POLR1B: variants seen among roughly 807,000 people sequenced by gnomAD.
POLR1B encodes the protein RNA polymerase I subunit B.
In POLR1B, 30 loss-of-function variants were observed where a neutral mutation model predicts 105.8. The ratio of observed to expected loss-of-function variants is 0.28; its 90% CI spans 0.21 to 0.38. The LOEUF is 0.38. Ranked by LOEUF, POLR1B falls within the 10% of genes least tolerant of loss-of-function variation. The pLI, the probability that POLR1B is intolerant of heterozygous loss-of-function variation, is 1.00. For synonymous variants in POLR1B, 485 were observed against 505.1 expected, an observed-to-expected ratio of 0.96 and a Z score of 0.53; for missense variants, 976 against 1,435.8, an observed-to-expected ratio of 0.68 and a Z score of 5.17.
chr2:112,548,854 C>T (rs1429074843), intron 3 of POLR1B, among the ~76,000 whole-genome samples: 1 of 152,212 alleles, frequency 6.6e-6, no homozygotes, highest in African/African-American at 2.4e-5. Context: ...CCTTGTGATG[C>T]TCCTGTCTCG....
chr2:112,551,054 G>T, intron 5 of POLR1B, 52 bp downstream of exon 5: 1 of 1,544,668 alleles, frequency 6.5e-7, no homozygotes, highest in South Asian at 1.1e-5. Context: ...ACTGGGGGTA[G>T]TATCCTGTGC....
chr2:112,570,700 T>A (rs1361010444), intron 12 of POLR1B, among the ~76,000 whole-genome samples: 2 of 152,138 alleles, frequency 1.3e-5, no homozygotes, highest in African/African-American at 4.8e-5. Flanking sequence ...ATATATGCCA[T>A]CCTGCATTGA....
At chr2:112,573,089 TTTTG>T (rs573250353) in intron 13 of POLR1B, among the ~76,000 whole-genome samples, 156 of 152,306 alleles carry the variant, frequency 1.0e-3, no homozygotes, top group Non-Finnish European at 1.8e-3. Flanking sequence ...TTTTCTTGTT[TTTTG>T]TTTGTTTGTT....
intron 10 of POLR1B, among the ~76,000 whole-genome samples, chr2:112,566,138 C>T (rs895927646): frequency 2.6e-5 from 4 of 152,078 alleles, no homozygotes; most frequent in Non-Finnish European, 5.9e-5. Context: ...CACAGCTCTC[C>T]TGTAATTTAG....
chr2:112,558,729 C>T (rs955521629), intron 8 of POLR1B, among the ~76,000 whole-genome samples: 15 of 152,054 alleles, frequency 9.9e-5, no homozygotes, highest in East Asian at 7.8e-4. Context: ...GGTGATCCTC[C>T]GACGTCAGCC....
chr2:112,568,818 C>A lies in POLR1B; in HGVS notation c.1990C>A (p.His664Asn), dbSNP rs577236573. 2.5e-6 allele frequency: 4 copies of A among 1,614,188 alleles called. No homozygotes were observed. The African/African-American group carries it at 5.3e-5, about 22-fold the overall frequency. ...GVTTHQELFP[H>N]SLLSVIANFI... Reference sequence around the variant, plus strand: ...TACCACACACCAGGAACTCTTTCCACACAGCCTGCTGAGTGTGATTGCCAA... The same window carrying A: ...TACCACACACCAGGAACTCTTTCCAAACAGCCTGCTGAGTGTGATTGCCAA... The change falls in exon 12 of 15, where the codon CAC (histidine) becomes AAC (asparagine). Residue 664 changes from histidine to asparagine, a missense_variant. Physicochemically the swap from His to Asn is moderately conservative, Grantham distance 68. Coordinates refer to ENST00000263331, the MANE Select transcript of POLR1B (RefSeq NM_019014.6).
chr2:112,563,647 C>T (rs1361433979), intron 9 of POLR1B, among the ~76,000 whole-genome samples: 2 of 152,078 alleles, frequency 1.3e-5, no homozygotes, highest in Admixed American at 1.3e-4. Context: ...CCTGTAATTC[C>T]AGCACTTTGG....
upstream of POLR1B, chr2:112,542,154 G>A (rs747975214): frequency 1.3e-6 from 2 of 1,535,760 alleles, no homozygotes; most frequent in South Asian, 2.4e-5. Context: ...CTGAGCCAAT[G>A]AGAGCCAAAG....
Position 112,550,857 on chromosome 2 carries a change from G to A in POLR1B, c.626-9G>A. The A allele has an allele frequency of 6.2e-7, 1 of 1,612,116 alleles. No individual in the cohort carries two copies. On this transcript the variant is annotated splice_polypyrimidine_tract_variant and intron_variant, in intron 4 of 14. Coordinates refer to ENST00000263331, the MANE Select transcript of POLR1B (RefSeq NM_019014.6). ...GAGTTTCTGATTTTTTTGTTGTTTG[G>A]TTCAATAGGAGTTTCAATGCACTGT...
At chr2:112,565,212 G>C (rs375960859) in intron 10 of POLR1B, among the ~76,000 whole-genome samples, 1 of 152,090 alleles carries the variant, frequency 6.6e-6, no homozygotes, top group African/African-American at 2.4e-5. Context: ...CCTATAAGTG[G>C]AATTGTGGCT....
At position 112,576,399 on chromosome 2, in the gene POLR1B, C is replaced by A. The variant is rs970721185; in HGVS notation, c.*670C>A. On this transcript the variant is annotated 3_prime_UTR_variant, in exon 15 of 15. Transcript: ENST00000263331. ...CTTAACTCAAGACCTACCCTCTTAA[C>A]AAATCTTTAAGTGCACGATATAGTA... 1 of 152,254 alleles carries A rather than the reference C, an allele frequency of 6.6e-6. No individual in the cohort carries two copies. The highest frequency in any genetic ancestry group is 1.5e-5 in the Non-Finnish European group (1 of 68,088). The allele number at this position is 152,254 out of a possible 1,614,324, so 9.4% of individuals were successfully genotyped here.
rs893478495 is a variant in POLR1B at position 112,576,812 on chromosome 2, C to G, written c.*1083C>G. On this transcript the variant is annotated 3_prime_UTR_variant, in exon 15 of 15. Transcript: ENST00000263331. ...CTGACCTCAAGTGATCCACCCACCT[C>G]GGCCTCCGAAAGTGCTAGGATTACA... 6.6e-6 allele frequency: 1 copy of G among 152,198 alleles called. No homozygotes were observed. The highest frequency in any genetic ancestry group is 2.4e-5 in the African/African-American group (1 of 41,442). The allele number at this position is 152,198 out of a possible 1,614,324, so 9.4% of individuals were successfully genotyped here.
In POLR1B at chr2:112,559,563, T is replaced by A; in HGVS notation, c.1601T>A (p.Leu534Gln). The A allele has an allele frequency of 6.2e-7, 1 of 1,614,112 alleles. No homozygotes were observed. The highest frequency in any genetic ancestry group is 8.5e-7 in the Non-Finnish European group (1 of 1,179,916). ...FVYTASIPALLCNLGVTPIDG... is the reference protein window; with the variant it reads ...FVYTASIPALQCNLGVTPIDG... ...TATACGGCATCTATTCCAGCTTTAC[T>A]GTGCAACTTGGGTATGTAGTGTACA... The change falls in exon 9 of 15, where the codon CTG (leucine) becomes CAG (glutamine). Residue 534 changes from leucine to glutamine, a missense_variant. Transcript: ENST00000263331.
chr2:112,552,637 T>A lies in POLR1B; in HGVS notation c.987-8T>A, dbSNP rs1322136440. On this transcript the variant is annotated splice_polypyrimidine_tract_variant and splice_region_variant and intron_variant, in intron 6 of 14. Transcript: ENST00000263331. ...GTTTTAAGCTTTTTTTTTTTTCTGTTTTCACAGCCAGTGCATCTGTATCCA... is the reference window on the plus strand; with the variant it reads ...GTTTTAAGCTTTTTTTTTTTTCTGTATTCACAGCCAGTGCATCTGTATCCA... 6.5e-7 allele frequency: 1 copy of A among 1,544,612 alleles called. No homozygotes were observed. Among genetic ancestry groups the A allele is most frequent in the South Asian group, 1.2e-5 (1 of 81,156 alleles).
In POLR1B at chr2:112,549,257, T is replaced by C. The variant is rs1683234087; in HGVS notation, c.493-10T>C. ...TTTGTTTAACAAGTTGCAATTCATC[T>C]TTTTGGCAGGAAATGGGGGGCTATT... On this transcript the variant is annotated splice_polypyrimidine_tract_variant and intron_variant, in intron 3 of 14. Transcript: ENST00000263331. 2 of 1,612,174 alleles carry C rather than the reference T, an allele frequency of 1.2e-6. No homozygotes were observed. Among genetic ancestry groups the C allele is most frequent in the African/African-American group, 2.7e-5 (2 of 74,750 alleles).
At position 112,547,587 on chromosome 2, in the gene POLR1B, C is replaced by T; in HGVS notation, c.492+20C>T. The T allele has an allele frequency of 1.2e-6, 2 of 1,611,880 alleles. No homozygotes were observed. The highest frequency in any genetic ancestry group is 1.1e-5 in the South Asian group (1 of 90,660). Reference sequence around the variant, plus strand: ...GCAGAGGTAATGACGGGCGTCCAGGCATGAGACAGTAGAGAAGGCCTGGGT... The same window carrying T: ...GCAGAGGTAATGACGGGCGTCCAGGTATGAGACAGTAGAGAAGGCCTGGGT... On this transcript the variant is annotated intron_variant, in intron 3 of 14. Coordinates refer to ENST00000263331, the MANE Select transcript of POLR1B (RefSeq NM_019014.6).
chr2:112,544,192 A>C (rs1259940042), intron 1 of POLR1B, among the ~76,000 whole-genome samples: 1 of 152,162 alleles, frequency 6.6e-6, no homozygotes, highest in African/African-American at 2.4e-5. Flanking sequence ...GCACTTTGGG[A>C]GGTCAAGGCG....
At chr2:112,563,975 CAGCAATTCACTCAT>C (rs1684146983) in intron 9 of POLR1B, among the ~76,000 whole-genome samples, 2 of 152,156 alleles carry the variant, frequency 1.3e-5, no homozygotes, top group African/African-American at 4.8e-5. Flanking sequence ...TATGGGATTG[CAGCAATTCACTCAT>C]AGCTTCAGGC....
intron 2 of POLR1B, 50 bp from the exon 3 acceptor site, chr2:112,547,371 G>A (rs747649011): frequency 5.1e-5 from 80 of 1,576,368 alleles, no homozygotes; most frequent in Middle Eastern, 1.7e-4. Context: ...ATTTGTTCTC[G>A]TAAATGCAGA....
Sources: gnomAD v4.1 joint callset for allele counts (sites outside exome capture counted in the v4.1 genomes callset) on GRCh38, gnomAD v4.1.1 for gene constraint, MANE v1.5 for transcripts, NCBI Gene and HGNC (gene_info 2026-07-23, HGNC 2026-07-21) for gene names.